Variants in ENTPD8 observed in about 807,000 individuals in gnomAD.
ENTPD8 encodes ectonucleoside triphosphate diphosphohydrolase 8.
A neutral mutation model predicts 47.0 loss-of-function variants in ENTPD8; 35 were observed. That is an observed-to-expected ratio of 0.75 (90% CI 0.57 to 0.99). ENTPD8 has a LOEUF of 0.99. ENTPD8 is among the 50% of genes least tolerant of loss of function. The pLI is 0.00. For missense variants in ENTPD8, 668 were observed against 649.9 expected (o/e 1.03, Z -0.30); for synonymous variants, 308 against 290.5 (o/e 1.06, Z -0.61).
At chr9:137,439,406 C>T (rs1051276412) in intron 1 of ENTPD8, among the ~76,000 whole-genome samples, 6 of 152,258 alleles carry the variant, frequency 3.9e-5, no homozygotes, top group Non-Finnish European at 7.4e-5. Flanking sequence ...GCCAAGGTCC[C>T]GGCACCTGAA....
At position 137,438,195 on chromosome 9, in the gene ENTPD8, C is replaced by T; in HGVS notation, c.91G>A (p.Glu31Lys). The T allele has an allele frequency of 6.2e-7, 1 of 1,608,470 alleles. No homozygotes were observed. The highest frequency in any genetic ancestry group is 8.5e-7 in the Non-Finnish European group (1 of 1,177,932). Residue 31 changes from glutamate (E) to lysine (K), a missense_variant, in exon 2 of 10, where the codon GAG becomes AAG. Transcript: ENST00000371506. The surrounding 1 kb of genome is among the most constrained non-coding windows in gnomAD (Gnocchi z 5.7). The stretch of plus-strand genomic sequence containing the variant: ...GTGGGCAGGAGCACGCTGGTGGCCT[C>T]CACCAGGAGGAGAATGAGTGCCGTG... ...GLTALILLLVEATSVLLPTDI... is the reference protein window; with the variant it reads ...GLTALILLLVKATSVLLPTDI...
chr9:137,441,320 A>G lies in ENTPD8; in HGVS notation c.-55T>C, dbSNP rs1054187903. The G allele has an allele frequency of 5.8e-5, 16 of 275,062 alleles. No individual in the cohort carries two copies. Among genetic ancestry groups the G allele is most frequent in the African/African-American group, 3.4e-4 (15 of 44,334 alleles). The allele number at this position is 275,062 out of a possible 1,614,324, so 17.0% of individuals were successfully genotyped here. ...CTGCCCACTTCCCGGAGCGGCAAGG[A>G]GGAAGCTGTGCTTAGACGCTTCTGT... On this transcript the variant is annotated 5_prime_UTR_variant, in exon 1 of 10. Coordinates refer to ENST00000371506, the MANE Select transcript of ENTPD8 (RefSeq NM_001033113.2).
chr9:137,436,841 G>A, intron 5 of ENTPD8, 28 bp downstream of exon 5: 2 of 1,608,992 alleles, frequency 1.2e-6, no homozygotes, highest in Non-Finnish European at 1.7e-6. Context: ...TCGCAGACCA[G>A]CCCCCGCCCT....
chr9:137,436,260 AGGGCAGCCG>A lies in ENTPD8; in HGVS notation c.794_802del (p.Pro265_Ala267del). On this transcript the variant is annotated inframe_deletion, in exon 7 of 10. Coordinates refer to ENST00000371506, the MANE Select transcript of ENTPD8 (RefSeq NM_001033113.2). ...GCTGAGGTAGCACGGGTGACGGAGC[AGGGCAGCCG>A]GGCGGCTCTGCAGAGGGCAGGGAGG... 4 of 1,596,674 alleles carry A rather than the reference AGGGCAGCCG, an allele frequency of 2.5e-6. No individual in the cohort carries two copies. Among genetic ancestry groups the A allele is most frequent in the Non-Finnish European group, 3.4e-6 (4 of 1,169,570 alleles).
chr9:137,435,970 C>A (rs1458875824), intron 7 of ENTPD8, 43 bp downstream of exon 7: 2 of 1,606,672 alleles, frequency 1.2e-6, no homozygotes, highest in East Asian at 4.5e-5. Context: ...TGAGGCCTCA[C>A]AAGGAAGCCC....
At chr9:137,435,588 C>A in intron 8 of ENTPD8, 131 bp downstream of exon 8, 1 of 1,062,838 alleles carries the variant, frequency 9.4e-7, no homozygotes, top group Middle Eastern at 3.0e-4. Context: ...CGGCCTGGAG[C>A]TGTCCTCTGC....
chr9:137,437,740 T>C (rs1159117152), intron 3 of ENTPD8, among the ~76,000 whole-genome samples: 3 of 151,752 alleles, frequency 2.0e-5, no homozygotes, highest in Admixed American at 6.5e-5. Context: ...CAGCAGATGC[T>C]GGGCAGACCC....
rs894569063 is a variant in ENTPD8, at chr9:137,438,564, G to A, written c.-20-259C>T. Among the ~76,000 whole-genome samples, 3 of 150,052 alleles carry A rather than the reference G, an allele frequency of 2.0e-5. No homozygotes were observed. Among genetic ancestry groups the A allele is most frequent in the Admixed American group, 6.6e-5 (1 of 15,122 alleles). ...ATAGAGGCATCTCCGGGGCTCAGAC[G>A]GCCTCCCGTGGCCATAGAGGCATCC... On this transcript the variant is annotated intron_variant, in intron 1 of 9. Coordinates refer to ENST00000371506, the MANE Select transcript of ENTPD8 (RefSeq NM_001033113.2). This position sits in a 1 kb window ranked among gnomAD's most constrained non-coding sequence, Gnocchi z 5.7.
chr9:137,437,131 G>A (rs1588478066), intron 4 of ENTPD8, 28 bp downstream of exon 4: 8 of 1,608,742 alleles, frequency 5.0e-6, no homozygotes, highest in East Asian at 2.2e-5. Context: ...GCCACTCCCC[G>A]TGGGTGCCAA....
intron 6 of ENTPD8, 28 bp from the exon 7 acceptor site, chr9:137,436,304 C>A (rs1401218489): frequency 1.3e-6 from 2 of 1,536,312 alleles, no homozygotes; most frequent in South Asian, 2.5e-5. Flanking sequence ...GCCTGAGCAC[C>A]AGCCGCACAC....
At chr9:137,439,903 C>A (rs1265058418) in intron 1 of ENTPD8, among the ~76,000 whole-genome samples, 1 of 115,732 alleles carries the variant, frequency 8.6e-6, no homozygotes, top group Non-Finnish European at 1.8e-5. Context: ...GAACAGCCCC[C>A]CCGAGACCAG....
At position 137,435,315 on chromosome 9, in the gene ENTPD8, C is replaced by T. The variant is rs1392102225; in HGVS notation, c.1185G>A (p.Gln395=). The T allele has an allele frequency of 6.2e-7, 1 of 1,611,920 alleles. No individual in the cohort carries two copies. The highest frequency in any genetic ancestry group is 8.5e-7 in the Non-Finnish European group (1 of 1,179,694). The part of the protein sequence containing the change: ...WKLVEASYPG[Q]DRWLRDYCAS... Reference sequence around the variant, plus strand: ...CACAGTAGTCCCGCAGCCAGCGGTCCTGCCCAGGGTAGCTGGCCTCCACCT... The same window carrying T: ...CACAGTAGTCCCGCAGCCAGCGGTCTTGCCCAGGGTAGCTGGCCTCCACCT... The change falls in exon 9 of 10, where the codon CAG becomes CAA. Residue 395 remains glutamine, a synonymous_variant. Transcript: ENST00000371506.
Position 137,434,782 on chromosome 9 carries a change from TG to T in ENTPD8, c.*131del. On this transcript the variant is annotated 3_prime_UTR_variant, in exon 10 of 10. Transcript: ENST00000371506. ...GGCCAGCACCACCCTGACGGTGCCC[TG>T]GAGGTGGCTGTCACCTGACCGTGGG... is the stretch of plus-strand genomic sequence containing the variant. The T allele has an allele frequency of 8.6e-7, 1 of 1,165,084 alleles. No homozygotes were observed. Among genetic ancestry groups the T allele is most frequent in the Non-Finnish European group, 1.2e-6 (1 of 854,332 alleles). 72.2% of individuals were successfully genotyped at this position (1,165,084 alleles called of 1,614,324 possible). A position where few individuals can be genotyped will look rare whatever the true frequency, so the allele number is the denominator to read the frequency against.
chr9:137,437,257 C>T lies in ENTPD8; in HGVS notation c.297G>A (p.Leu99=). The T allele has an allele frequency of 6.2e-7, 1 of 1,613,056 alleles. No individual in the cohort carries two copies. The highest frequency in any genetic ancestry group is 8.5e-7 in the Non-Finnish European group (1 of 1,179,996). ...CCAGCGCCTCCTCCAAGCAGCCCTG[C>T]AGGCTCTCACCAGCCTGTGCAGCAT... ...TSNAAQAGES[L]QGCLEEALVL... The change falls in exon 4 of 10, where the codon CTG becomes CTA. Residue 99 remains leucine, a synonymous_variant. Coordinates refer to ENST00000371506, the MANE Select transcript of ENTPD8 (RefSeq NM_001033113.2).
intron 1 of ENTPD8, among the ~76,000 whole-genome samples, chr9:137,439,672 C>T (rs1839466187): frequency 6.6e-6 from 1 of 152,082 alleles, no homozygotes; most frequent in South Asian, 2.1e-4. Context: ...CCAACCAGCA[C>T]CCAGGCCATA....
rs1317817146 is a variant in ENTPD8, at chr9:137,438,365, G to A, written c.-20-60C>T. The A allele has an allele frequency of 1.4e-6, 2 of 1,436,820 alleles. No homozygotes were observed. The highest frequency in any genetic ancestry group is 1.8e-6 in the Non-Finnish European group (2 of 1,094,178). 89.0% of individuals were successfully genotyped at this position (1,436,820 alleles called of 1,614,324 possible). A position where few individuals can be genotyped will look rare whatever the true frequency, so the allele number is the denominator to read the frequency against. On this transcript the variant is annotated intron_variant, in intron 1 of 9. Transcript: ENST00000371506. The surrounding 1 kb of genome is among the most constrained non-coding windows in gnomAD (Gnocchi z 5.7). ...CTTGGTGTCCCCATCCCGCCCTCCA[G>A]AGGCAGAGGCTTCGCTCCCCGTCTC...
At chr9:137,437,105 GA>G (rs1839387303) in intron 4 of ENTPD8, 53 bp downstream of exon 4, 6 of 1,603,610 alleles carry the variant, frequency 3.7e-6, no homozygotes, top group Non-Finnish European at 4.3e-6. Flanking sequence ...CGCTGGCTGA[GA>G]CCATGGCTTC....
chr9:137,436,649 G>A lies in ENTPD8; in HGVS notation c.658C>T (p.Pro220Ser). 2 of 1,602,620 alleles carry A rather than the reference G, an allele frequency of 1.2e-6. No homozygotes were observed. Among genetic ancestry groups the A allele is most frequent in the African/African-American group, 1.3e-5 (1 of 74,956 alleles). ...STQITFVPGGPILDKSTQADF... is the reference protein window; with the variant it reads ...STQITFVPGGSILDKSTQADF... The stretch of plus-strand genomic sequence containing the variant: ...GCCTGGGTGCTCTTGTCCAAGATGG[G>A]GCCCCCAGGCACGAACGTGATCTGG... Residue 220 changes from proline (P) to serine (S), a missense_variant, in exon 6 of 10, where the codon CCC (proline) becomes TCC (serine). Pro to Ser is a moderately conservative substitution (Grantham distance 74). Transcript: ENST00000371506.
chr9:137,436,325 G>C (rs548059693), intron 6 of ENTPD8, 49 bp from the exon 7 acceptor site: 1 of 1,499,790 alleles, frequency 6.7e-7, no homozygotes, highest in African/African-American at 1.4e-5. Flanking sequence ...CTGCGGCCCT[G>C]TGCCCCTCCC....
Sources: allele counts gnomAD v4.1 joint callset (sites outside exome capture counted in the v4.1 genomes callset), GRCh38; gene constraint gnomAD v4.1.1; non-coding constraint Gnocchi (gnomAD v3.1); transcripts MANE v1.5; gene names NCBI Gene and HGNC (gene_info 2026-07-23, HGNC 2026-07-21).